Variants in ATRN observed in about 807,000 individuals in gnomAD.
ATRN encodes the protein attractin.
A neutral mutation model predicts 178.7 loss-of-function variants in ATRN; 54 were observed. The observed-to-expected ratio is 0.30, with a 90% CI of 0.24 to 0.38. The LOEUF is 0.38. Ranked by LOEUF, ATRN falls within the 10% of genes least tolerant of loss-of-function variation. ATRN has a pLI of 1.00. For missense variants in ATRN, 1,443 were observed against 1,815.1 expected (o/e 0.79, Z 3.73); for synonymous variants, 636 against 663.0 (o/e 0.96, Z 0.63).
intron 25 of ATRN, among the ~76,000 whole-genome samples, chr20:3,628,492 C>G (rs2086962167): frequency 6.6e-6 from 1 of 152,158 alleles, no homozygotes; most frequent in Non-Finnish European, 1.5e-5. Flanking sequence ...GTACTCCATT[C>G]TGAGTAGTGT....
intron 27 of ATRN, among the ~76,000 whole-genome samples, chr20:3,639,176 T>G (rs994731993): frequency 1.1e-4 from 17 of 152,254 alleles, no homozygotes; most frequent in African/African-American, 2.4e-4. Context: ...ATGATTTGTC[T>G]GCTTTTCTTT....
rs138114815 is a variant in ATRN at position 3,639,505 on chromosome 20, G to A, written c.4050+570G>A. The stretch of plus-strand genomic sequence containing the variant: ...TGACTTCAAGCAATCCACCCACCTC[G>A]GCCTCCCAAAGTGCTGGGATTACAG... On this transcript the variant is annotated intron_variant, in intron 27 of 28. Coordinates refer to ENST00000262919, the MANE Select transcript of ATRN (RefSeq NM_139321.3). Among the ~76,000 whole-genome samples the A allele has an allele frequency of 7.2e-5, 11 of 152,090 alleles. No individual in the cohort carries two copies. The East Asian group carries it at 1.9e-3, about 27-fold the overall frequency.
rs984160947 is a variant in ATRN, at chr20:3,648,387, T to C, written c.*1540T>C. On this transcript the variant is annotated 3_prime_UTR_variant, in exon 29 of 29. Transcript: ENST00000262919. ...ATTGTGTTTTCCCCATTTATGGTGC[T>C]CTGTATTCTGGCATTATGCAGCAGC... The C allele has an allele frequency of 2.6e-5, 4 of 152,678 alleles. No homozygotes were observed. Among genetic ancestry groups the C allele is most frequent in the Admixed American group, 2.6e-4 (4 of 15,286 alleles). The allele number at this position is 152,678 out of a possible 1,614,324, so 9.5% of individuals were successfully genotyped here. A position where few individuals can be genotyped will look rare whatever the true frequency, so the allele number is the denominator to read the frequency against.
chr20:3,604,056 C>G (rs1303900110), intron 23 of ATRN, 49 bp from the exon 24 acceptor site: 1 of 1,507,322 alleles, frequency 6.6e-7, no homozygotes, highest in Admixed American at 2.3e-5. Context: ...TGTTCTCCCC[C>G]TAGCCCCCCA....
chr20:3,636,699 G>A (rs2087027670), intron 26 of ATRN, among the ~76,000 whole-genome samples: 1 of 152,168 alleles, frequency 6.6e-6, no homozygotes, highest in Non-Finnish European at 1.5e-5. Flanking sequence ...ATGTTTTATG[G>A]ATGAGGGGAC....
At chr20:3,500,001 A>G (rs2084934734) in intron 1 of ATRN, among the ~76,000 whole-genome samples, 1 of 152,094 alleles carries the variant, frequency 6.6e-6, no homozygotes, top group South Asian at 2.1e-4. Context: ...AAAACAAACA[A>G]CCCCATCAAA....
chr20:3,586,366 A>C (rs2086357245), intron 18 of ATRN, among the ~76,000 whole-genome samples: 1 of 152,184 alleles, frequency 6.6e-6, no homozygotes. Flanking sequence ...ATTTATATGA[A>C]ATGTCCAAAG....
intron 1 of ATRN, among the ~76,000 whole-genome samples, chr20:3,481,316 G>A (rs1325658347): frequency 6.6e-6 from 1 of 151,920 alleles, no homozygotes; most frequent in Non-Finnish European, 1.5e-5. Context: ...CATTGAAAAA[G>A]TTTTTTTTCT....
intron 8 of ATRN, among the ~76,000 whole-genome samples, chr20:3,561,430 C>T (rs2085951953): frequency 6.6e-6 from 1 of 152,042 alleles, no homozygotes; most frequent in Non-Finnish European, 1.5e-5. Context: ...TTGTTACTGT[C>T]AATTTGGTAA....
intron 1 of ATRN, among the ~76,000 whole-genome samples, chr20:3,519,431 G>T (rs796380204): frequency 6.6e-6 from 1 of 152,140 alleles, no homozygotes; most frequent in East Asian, 1.9e-4. Context: ...TGAAATCTAT[G>T]ATTTCCTCAT....
At position 3,650,397 on chromosome 20, in the gene ATRN, T is replaced by G. The variant is rs2087137586; in HGVS notation, c.*3550T>G. 1 of 152,632 alleles carries G rather than the reference T, an allele frequency of 6.6e-6. No homozygotes were observed. Among genetic ancestry groups the G allele is most frequent in the Admixed American group, 6.5e-5 (1 of 15,280 alleles). 9.5% of individuals were successfully genotyped at this position (152,632 alleles called of 1,614,324 possible). A position where few individuals can be genotyped will look rare whatever the true frequency, so the allele number is the denominator to read the frequency against. On this transcript the variant is annotated 3_prime_UTR_variant, in exon 29 of 29. Transcript: ENST00000262919. ...AATAGATTTTAGAATTAAAACAAAATCCAAGTCCTCACACCCCTGTCATCC... is the reference window on the plus strand; with the variant it reads ...AATAGATTTTAGAATTAAAACAAAAGCCAAGTCCTCACACCCCTGTCATCC...
In ATRN at chr20:3,594,479, C is replaced by A; in HGVS notation, c.3323C>A (p.Pro1108Gln). The A allele has an allele frequency of 6.2e-7, 1 of 1,602,400 alleles. No homozygotes were observed. Residue 1108 changes from proline to glutamine, a missense_variant and splice_region_variant, in exon 20 of 29, where the codon CCA becomes CAA. By Grantham distance (76) the Pro-to-Gln change is moderately conservative. Around this residue, in one of 4 missense-constraint regions of ATRN, gnomAD observed 289 missense variants for 440.8 expected, o/e 0.66. Transcript: ENST00000262919. ...GDPTNGGKCQ[P>Q]CKCNGHASLC... ...CTCTGTTCCTTTTTCTTCTCTGCAG[C>A]ATGCAAGTGCAATGGGCACGCGTCT... is the stretch of plus-strand genomic sequence containing the variant.
At chr20:3,479,760 C>T (rs566919565) in intron 1 of ATRN, among the ~76,000 whole-genome samples, 1 of 152,150 alleles carries the variant, frequency 6.6e-6, no homozygotes, top group African/African-American at 2.4e-5. Context: ...CCTTTCTCTT[C>T]GCTTCTGGAG....
intron 5 of ATRN, among the ~76,000 whole-genome samples, chr20:3,547,983 C>G (rs540020148): frequency 6.6e-6 from 1 of 152,108 alleles, no homozygotes; most frequent in Admixed American, 6.6e-5. Flanking sequence ...TGTAAACTTA[C>G]CCCTTCCTCA....
At chr20:3,626,456 G>A (rs1394398104) in intron 25 of ATRN, among the ~76,000 whole-genome samples, 3 of 152,140 alleles carry the variant, frequency 2.0e-5, no homozygotes, top group African/African-American at 7.2e-5. Context: ...CAAATCCTAT[G>A]TGTGTAGCTC....
chr20:3,483,696 T>C (rs562774852), intron 1 of ATRN, among the ~76,000 whole-genome samples: 88 of 152,316 alleles, frequency 5.8e-4, no homozygotes, highest in South Asian at 1.4e-3. Flanking sequence ...GTGATTTTTC[T>C]CTAGGGTAGT....
At chr20:3,580,492 G>C (rs954348618) in intron 15 of ATRN, among the ~76,000 whole-genome samples, 1 of 152,178 alleles carries the variant, frequency 6.6e-6, no homozygotes, top group Non-Finnish European at 1.5e-5. Flanking sequence ...CCAGTTAGTA[G>C]AGCCCAGATT....
chr20:3,500,826 TAAAGTA>T (rs1452287909), intron 1 of ATRN, among the ~76,000 whole-genome samples: 2 of 151,904 alleles, frequency 1.3e-5, no homozygotes, highest in Non-Finnish European at 2.9e-5. Context: ...CCCTAAAACT[TAAAGTA>T]TAATGATAAT....
At chr20:3,488,400 T>A (rs1168468132) in intron 1 of ATRN, among the ~76,000 whole-genome samples, 1 of 151,798 alleles carries the variant, frequency 6.6e-6, no homozygotes, top group Non-Finnish European at 1.5e-5. Flanking sequence ...CACATTTATT[T>A]GCTTTATGCA....
Sources: allele counts gnomAD v4.1 joint callset (sites outside exome capture counted in the v4.1 genomes callset), GRCh38; gene constraint gnomAD v4.1.1; regional missense constraint gnomAD v4.1.1; transcripts MANE v1.5; gene names NCBI Gene and HGNC (gene_info 2026-07-23, HGNC 2026-07-21).